CNGB3: variants seen among roughly 807,000 people sequenced by gnomAD.
CNGB3 encodes the protein cyclic nucleotide-gated channel beta-3.
A neutral mutation model predicts 92.8 loss-of-function variants in CNGB3; 86 were observed. The ratio of observed to expected loss-of-function variants is 0.93; its 90% CI spans 0.78 to 1.11. The LOEUF is 1.11. Among genes scored for constraint, CNGB3 ranks in the 50% least tolerant of loss-of-function variants. The pLI is 0.00. For missense variants in CNGB3, 1,026 were observed against 956.8 expected, an observed-to-expected ratio of 1.07 and a Z score of -0.95; for synonymous variants, 333 against 332.7, an observed-to-expected ratio of 1.00 and a Z score of -0.01.
In CNGB3 at chr8:86,654,037, T is replaced by A. The variant is rs924258407; in HGVS notation, c.878A>T (p.His293Leu). ...IIVDSNELRK[H>L]YRTSTKFQLD... ...CTGAAATTTTGTAGAAGTCCTGTAG[T>A]GTTTCCTTAGCTCATTTGAATCCAC... The change falls in exon 7 of 18, where the codon CAC becomes CTC. Residue 293 changes from histidine (H) to leucine (L), a missense_variant. His to Leu is a moderately conservative substitution (Grantham distance 99, BLOSUM62 -3). Transcript: ENST00000320005. 3.1e-6 allele frequency: 5 copies of A among 1,602,374 alleles called. No homozygotes were observed. Among genetic ancestry groups the A allele is most frequent in the Admixed American group, 3.3e-5 (2 of 59,978 alleles).
In CNGB3 at chr8:86,717,254, C is replaced by T. The variant is rs554571187; in HGVS notation, c.338+9277G>A. ...TAGACCTAAGAAATGAGATAGACGG[C>T]AACACAATAATAGTGGGGGACTTTA... is the stretch of plus-strand genomic sequence containing the variant. On this transcript the variant is annotated intron_variant, in intron 3 of 17. Coordinates refer to ENST00000320005, the MANE Select transcript of CNGB3 (RefSeq NM_019098.5). Among the ~76,000 whole-genome samples, 6 of 152,084 alleles carry T rather than the reference C, an allele frequency of 3.9e-5. No individual in the cohort carries two copies. The East Asian group carries it at 9.7e-4, about 25-fold the overall frequency.
Position 86,586,258 on chromosome 8 carries a change from A to T in CNGB3, c.1782-7006T>A, listed in dbSNP as rs539204153. Among the ~76,000 whole-genome samples the T allele has an allele frequency of 1.0e-3, 155 of 152,330 alleles. 1 individual carries two copies. Among genetic ancestry groups the T allele is most frequent in the South Asian group, 8.7e-3 (42 of 4,828 alleles). ...TAATCTAGGCATGGGGTAAGTGTGT[A>T]TGCAGATAGCCAATTAGCAAATATT... On this transcript the variant is annotated intron_variant, in intron 15 of 17. Transcript: ENST00000320005.
chr8:86,718,965 C>T (rs1423513029), intron 3 of CNGB3, among the ~76,000 whole-genome samples: 1 of 151,704 alleles, frequency 6.6e-6, no homozygotes, highest in Non-Finnish European at 1.5e-5. Flanking sequence ...GACAAAAATC[C>T]ACAATTGCTT....
chr8:86,715,744 A>G (rs1182517679), intron 3 of CNGB3, among the ~76,000 whole-genome samples: 2 of 150,246 alleles, frequency 1.3e-5, no homozygotes, highest in Non-Finnish European at 3.0e-5. Context: ...AAGAAATAAA[A>G]AACATGATAT....
At chr8:86,723,746 T>A (rs1466299151) in intron 3 of CNGB3, among the ~76,000 whole-genome samples, 2 of 152,192 alleles carry the variant, frequency 1.3e-5, no homozygotes, top group Non-Finnish European at 2.9e-5. Flanking sequence ...TGAACAACCA[T>A]CTAATAACAA....
At chr8:86,623,884 G>T (rs1226628051) in intron 13 of CNGB3, among the ~76,000 whole-genome samples, 6 of 152,068 alleles carry the variant, frequency 3.9e-5, no homozygotes, top group African/African-American at 1.4e-4. Flanking sequence ...GGCTTTTTGG[G>T]TTTGAATATA....
intron 7 of CNGB3, among the ~76,000 whole-genome samples, chr8:86,651,574 T>C (rs1264815826): frequency 6.6e-6 from 1 of 151,822 alleles, no homozygotes; most frequent in Non-Finnish European, 1.5e-5. Context: ...ACCCTAAAAC[T>C]TACAGTTTTT....
At chr8:86,707,964 G>A (rs930720951) in intron 3 of CNGB3, 2 of 152,262 alleles carry the variant, frequency 1.3e-5, no homozygotes, top group Admixed American at 1.3e-4. Flanking sequence ...CTGAGATGGG[G>A]AAAACTGCAG....
chr8:86,726,121 ATAAT>A (rs1295964970), intron 3 of CNGB3, among the ~76,000 whole-genome samples: 9 of 152,216 alleles, frequency 5.9e-5, no homozygotes, highest in Non-Finnish European at 1.2e-4. Context: ...AAAGGAAATA[ATAAT>A]TAATCTTTTG....
At chr8:86,616,253 A>G (rs574049251) in intron 13 of CNGB3, among the ~76,000 whole-genome samples, 1 of 152,288 alleles carries the variant, frequency 6.6e-6, no homozygotes, top group African/African-American at 2.4e-5. Flanking sequence ...TAGCAGCTGT[A>G]TATAGTAAAA....
intron 3 of CNGB3, among the ~76,000 whole-genome samples, chr8:86,690,562 C>A (rs1446163995): frequency 3.9e-5 from 6 of 152,196 alleles, no homozygotes; most frequent in South Asian, 2.1e-4. Context: ...CTTTAGTTTA[C>A]TTAGATCCCA....
chr8:86,666,860 A>G, intron 6 of CNGB3, 65 bp downstream of exon 6: 3 of 1,271,706 alleles, frequency 2.4e-6, no homozygotes, highest in Middle Eastern at 2.6e-4. Flanking sequence ...CAATGCTGTT[A>G]CTTTTTGTAG....
At position 86,578,994 on chromosome 8, in the gene CNGB3, C is replaced by T; in HGVS notation, c.1928+112G>A. 22 of 1,538,498 alleles carry T rather than the reference C, an allele frequency of 1.4e-5. No individual in the cohort carries two copies. The South Asian group carries it at 2.4e-4, about 16-fold the overall frequency. On this transcript the variant is annotated intron_variant, in intron 16 of 17. Transcript: ENST00000320005. The stretch of plus-strand genomic sequence containing the variant: ...CCTACATTAATAGTTGTTCATTAAG[C>T]ATATCTCACTGTGATCAAGTTTATC...
intron 13 of CNGB3, among the ~76,000 whole-genome samples, chr8:86,612,361 C>A (rs938467474): frequency 2.0e-5 from 3 of 152,126 alleles, no homozygotes; most frequent in African/African-American, 7.2e-5. Context: ...AAAAAACTCA[C>A]TTACATAGTA....
intron 15 of CNGB3, among the ~76,000 whole-genome samples, chr8:86,596,397 CAAAT>C (rs1822171696): frequency 6.6e-6 from 1 of 151,916 alleles, no homozygotes; most frequent in Non-Finnish European, 1.5e-5. Context: ...AATTAAACCT[CAAAT>C]AAATAAAATA....
intron 14 of CNGB3, among the ~76,000 whole-genome samples, chr8:86,606,296 A>G (rs1464846264): frequency 6.6e-6 from 1 of 151,812 alleles, no homozygotes; most frequent in Non-Finnish European, 1.5e-5. Flanking sequence ...GACCACAGGC[A>G]TAAGCCACCA....
chr8:86,624,386 T>C (rs574126172), intron 13 of CNGB3, among the ~76,000 whole-genome samples: 16 of 152,112 alleles, frequency 1.1e-4, no homozygotes, highest in Non-Finnish European at 2.2e-4. Context: ...GTCACTGTAC[T>C]CCAGCCTGGA....
At chr8:86,617,126 T>G (rs1230034641) in intron 13 of CNGB3, among the ~76,000 whole-genome samples, 1 of 152,220 alleles carries the variant, frequency 6.6e-6, no homozygotes, top group Admixed American at 6.5e-5. Flanking sequence ...AATGTTATTT[T>G]GATTCACAAC....
At chr8:86,689,876 T>C (rs1824272364) in intron 3 of CNGB3, among the ~76,000 whole-genome samples, 1 of 152,220 alleles carries the variant, frequency 6.6e-6, no homozygotes, top group African/African-American at 2.4e-5. Flanking sequence ...TCCATGTCTC[T>C]ACAAAGGACA....
Sources: gnomAD v4.1 joint callset for allele counts (sites outside exome capture counted in the v4.1 genomes callset) on GRCh38, gnomAD v4.1.1 for gene constraint, MANE v1.5 for transcripts, NCBI Gene and HGNC (gene_info 2026-07-23, HGNC 2026-07-21) for gene names.